Variants in YWHAZ observed in about 807,000 individuals in gnomAD.
The protein encoded by YWHAZ is tyrosine 3-monooxygenase/tryptophan 5-monooxygenase activation protein zeta.
For synonymous variants in YWHAZ, 87 were observed against 103.6 expected (o/e 0.84, Z 0.97); for missense variants, 79 against 284.8 (o/e 0.28, Z 5.20).
At chr8:100,942,496 A>G (rs545837876) in intron 2 of YWHAZ, among the ~76,000 whole-genome samples, 4 of 152,318 alleles carry the variant, frequency 2.6e-5, no homozygotes, top group South Asian at 4.1e-4. Flanking sequence ...TCCCACACCA[A>G]AATTTACATT....
At chr8:100,951,243 C>G in intron 1 of YWHAZ, 1 of 985,024 alleles carries the variant, frequency 1.0e-6, no homozygotes, top group Non-Finnish European at 1.2e-6. Context: ...ACCTGGCGGG[C>G]GCCGCCGCGC....
Position 100,920,529 on chromosome 8 carries a change from C to T in YWHAZ, c.*164G>A, listed in dbSNP as rs1812934416. ...CTAAATGTTAACTGGCTCTACTCCC[C>T]TAATATTAAACATAAAAACCACATG... On this transcript the variant is annotated 3_prime_UTR_variant, in exon 6 of 6. Coordinates refer to ENST00000395958, the MANE Select transcript of YWHAZ (RefSeq NM_145690.3). The T allele has an allele frequency of 4.4e-6, 3 of 684,904 alleles. No individual in the cohort carries two copies. Among genetic ancestry groups the T allele is most frequent in the African/African-American group, 1.8e-5 (1 of 55,534 alleles). 42.4% of individuals were successfully genotyped at this position (684,904 alleles called of 1,614,324 possible).
chr8:100,935,451 A>G (rs888015057), intron 2 of YWHAZ, among the ~76,000 whole-genome samples: 3 of 152,230 alleles, frequency 2.0e-5, no homozygotes, highest in African/African-American at 7.2e-5. Flanking sequence ...CCTGATAGAA[A>G]TTCAGGTTGA....
chr8:100,926,749 G>C (rs898603158), intron 2 of YWHAZ, among the ~76,000 whole-genome samples: 3 of 152,188 alleles, frequency 2.0e-5, no homozygotes, highest in Non-Finnish European at 4.4e-5. Context: ...AAAGTGTTTT[G>C]TCCTTTGAAT....
intron 2 of YWHAZ, among the ~76,000 whole-genome samples, chr8:100,930,021 C>G (rs968330428): frequency 1.3e-5 from 2 of 152,196 alleles, no homozygotes; most frequent in Non-Finnish European, 2.9e-5. Flanking sequence ...TGAAAGCAAT[C>G]ATGACTGAAA....
intron 2 of YWHAZ, among the ~76,000 whole-genome samples, chr8:100,930,232 G>A (rs565035817): frequency 2.8e-4 from 43 of 152,254 alleles, no homozygotes; most frequent in Non-Finnish European, 5.3e-4. Flanking sequence ...CCGAGTAGCC[G>A]GGACTGCAGG....
In YWHAZ at chr8:100,924,651, G is replaced by A. The variant is rs1333000716; in HGVS notation, c.418+265C>T. ...CCAGCTAATTTTCAAAATATTTTTT[G>A]TAGAGAGAGATGTTGCTCAGGCTGG... On this transcript the variant is annotated intron_variant, in intron 3 of 5. Transcript: ENST00000395958. The surrounding 1 kb of genome is among the most constrained non-coding windows in gnomAD (Gnocchi z 5.7). Among the ~76,000 whole-genome samples, 4 of 152,146 alleles carry A rather than the reference G, an allele frequency of 2.6e-5. No homozygotes were observed. The East Asian group carries it at 7.7e-4, about 29-fold the overall frequency.
chr8:100,929,677 G>A (rs774374002), intron 2 of YWHAZ, among the ~76,000 whole-genome samples: 1 of 152,186 alleles, frequency 6.6e-6, no homozygotes, highest in Non-Finnish European at 1.5e-5. Flanking sequence ...GGAAGTCAGA[G>A]TTCACAGAAT....
At chr8:100,951,809 G>A (rs1472213830) in intron 1 of YWHAZ, 120 bp downstream of exon 1, 3 of 985,438 alleles carry the variant, frequency 3.0e-6, no homozygotes, top group Non-Finnish European at 3.6e-6. Flanking sequence ...CTCCGCCTCA[G>A]CCCGGCGCCG....
intron 2 of YWHAZ, among the ~76,000 whole-genome samples, chr8:100,943,041 G>A (rs1329469481): frequency 3.3e-5 from 5 of 152,172 alleles, no homozygotes; most frequent in African/African-American, 1.2e-4. Flanking sequence ...CCAATGATAT[G>A]GGAAACATCA....
At chr8:100,932,993 AC>A (rs1288982049) in intron 2 of YWHAZ, among the ~76,000 whole-genome samples, 1 of 152,182 alleles carries the variant, frequency 6.6e-6, no homozygotes, top group African/African-American at 2.4e-5. Context: ...AGTTTGAGCA[AC>A]CCTTGGGTTT....
chr8:100,952,869 G>A (rs376543103), upstream of YWHAZ: 4 of 1,000,250 alleles, frequency 4.0e-6, no homozygotes, highest in East Asian at 2.3e-4. Flanking sequence ...CGGGGGAAGC[G>A]GTCCTAGACC....
At chr8:100,920,798 G>GGGA in intron 5 of YWHAZ, 46 bp from the exon 6 acceptor site, 1 of 1,004,586 alleles carries the variant, frequency 1.0e-6, no homozygotes, top group South Asian at 1.4e-5. Context: ...AGTGGGATGG[G>GGGA]GGGGGGGGGG....
chr8:100,943,640 T>C (rs1288279573), intron 2 of YWHAZ, among the ~76,000 whole-genome samples: 2 of 152,178 alleles, frequency 1.3e-5, no homozygotes, highest in East Asian at 3.8e-4. Context: ...TTGTACAAAA[T>C]ATGTCATTGG....
chr8:100,918,408 T>TCATATATA lies in YWHAZ; in HGVS notation c.*2284_*2285insTATATATG, dbSNP rs1554611374. ...AGTCTAGCTATAAAATATAATTACT[T>TCATATATA]TATATATATATATATATATATATAT... On this transcript the variant is annotated 3_prime_UTR_variant, in exon 6 of 6. Transcript: ENST00000395958. 1 of 41,882 alleles carries TCATATATA rather than the reference T, an allele frequency of 2.4e-5. No homozygotes were observed. The highest frequency in any genetic ancestry group is 1.3e-3 in the South Asian group (1 of 796). 2.6% of individuals were successfully genotyped at this position (41,882 alleles called of 1,614,324 possible). A position where few individuals can be genotyped will look rare whatever the true frequency, so the allele number is the denominator to read the frequency against.
chr8:100,941,564 C>T (rs1464274259), intron 2 of YWHAZ, among the ~76,000 whole-genome samples: 8 of 152,158 alleles, frequency 5.3e-5, no homozygotes, highest in Non-Finnish European at 1.0e-4. Flanking sequence ...GTGGGTGGAT[C>T]ACCTGAGGTC....
rs879121708 is a variant in YWHAZ, at chr8:100,952,007, G to A, written c.-90C>T. On this transcript the variant is annotated 5_prime_UTR_variant, in exon 1 of 6. Coordinates refer to ENST00000395958, the MANE Select transcript of YWHAZ (RefSeq NM_145690.3). ...CGGCGGCGGCGGCAGCAGCGGCGAG[G>A]CTGAGACTCTGTCCCTGGATCTCGC... 2.0e-6 allele frequency: 2 copies of A among 1,001,994 alleles called. No homozygotes were observed. The highest frequency in any genetic ancestry group is 8.2e-5 in the South Asian group (2 of 24,348). 62.1% of individuals were successfully genotyped at this position (1,001,994 alleles called of 1,614,324 possible). A position where few individuals can be genotyped will look rare whatever the true frequency, so the allele number is the denominator to read the frequency against.
At chr8:100,939,813 A>C (rs1814493203) in intron 2 of YWHAZ, among the ~76,000 whole-genome samples, 1 of 152,152 alleles carries the variant, frequency 6.6e-6, no homozygotes, top group African/African-American at 2.4e-5. Context: ...CGAGGTTAGG[A>C]GATCGAGACC....
intron 1 of YWHAZ, chr8:100,950,660 G>GA: frequency 3.3e-6 from 3 of 903,654 alleles, no homozygotes; most frequent in Non-Finnish European, 4.0e-6. Flanking sequence ...CAAGCCGTGG[G>GA]GGGGGGGGAG....
Sources: allele counts gnomAD v4.1 joint callset (sites outside exome capture counted in the v4.1 genomes callset), GRCh38; gene constraint gnomAD v4.1.1; non-coding constraint Gnocchi (gnomAD v3.1); transcripts MANE v1.5; gene names NCBI Gene and HGNC (gene_info 2026-07-23, HGNC 2026-07-21).